FAM53B: variants seen among roughly 807,000 people sequenced by gnomAD.
The protein encoded by FAM53B is family with sequence similarity 53 member B.
Under a neutral mutation model 32.7 loss-of-function variants are expected in FAM53B, and 12 were observed. The ratio of observed to expected loss-of-function variants is 0.37; its 90% CI spans 0.24 to 0.59. The LOEUF (loss-of-function observed/expected upper bound fraction) is 0.59, where lower values mean the gene tolerates loss of function less well. FAM53B is among the 20% of genes least tolerant of loss of function. The pLI is 0.72. For synonymous variants in FAM53B, 234 were observed against 228.7 expected (o/e 1.02, Z -0.21); for missense variants, 477 against 577.7 (o/e 0.83, Z 1.79).
At chr10:124,662,299 A>C (rs1949636610) in intron 4 of FAM53B, among the ~76,000 whole-genome samples, 1 of 152,262 alleles carries the variant, frequency 6.6e-6, no homozygotes, top group Admixed American at 6.5e-5. Context: ...AGTGCCTGCC[A>C]CACTGTCCCC....
intron 2 of FAM53B, among the ~76,000 whole-genome samples, chr10:124,702,357 C>T (rs774947906): frequency 9.9e-5 from 15 of 152,246 alleles, no homozygotes; most frequent in Non-Finnish European, 1.8e-4. Flanking sequence ...AGCAAAACCC[C>T]GTCAACTTCC....
At chr10:124,665,560 T>C (rs184517494) in intron 4 of FAM53B, among the ~76,000 whole-genome samples, 218 of 152,364 alleles carry the variant, frequency 1.4e-3, no homozygotes, top group Non-Finnish European at 2.7e-3. Flanking sequence ...CAATCCCATA[T>C]GCATACATGG....
intron 4 of FAM53B, among the ~76,000 whole-genome samples, chr10:124,672,260 T>A (rs528663601): frequency 1.4e-3 from 217 of 152,352 alleles, no homozygotes; most frequent in African/African-American, 4.6e-3. Flanking sequence ...CCCACACCCA[T>A]CTCCGTGATG....
intron 4 of FAM53B, among the ~76,000 whole-genome samples, chr10:124,649,238 G>A (rs1949539986): frequency 6.6e-6 from 1 of 152,208 alleles, no homozygotes; most frequent in African/African-American, 2.4e-5. Flanking sequence ...AAGGAAACCA[G>A]CCTGGATTAT....
intron 1 of FAM53B, among the ~76,000 whole-genome samples, chr10:124,738,429 T>C (rs910813343): frequency 6.6e-6 from 1 of 151,654 alleles, no homozygotes; most frequent in Non-Finnish European, 1.5e-5. Flanking sequence ...ATTACTTTAC[T>C]CTAGCTTCTA....
chr10:124,736,523 C>G (rs1440844395), intron 1 of FAM53B, among the ~76,000 whole-genome samples: 1 of 152,274 alleles, frequency 6.6e-6, no homozygotes, highest in Non-Finnish European at 1.5e-5. Context: ...AGAAGCTGCT[C>G]CCAGCCAGCG....
At chr10:124,712,306 A>C (rs1046677345) in intron 1 of FAM53B, among the ~76,000 whole-genome samples, 4 of 152,066 alleles carry the variant, frequency 2.6e-5, no homozygotes, top group Non-Finnish European at 5.9e-5. Context: ...CAGTGAGCCG[A>C]GATTACACCA....
chr10:124,624,718 G>A (rs967824781), intron 4 of FAM53B, among the ~76,000 whole-genome samples: 1 of 150,700 alleles, frequency 6.6e-6, no homozygotes, highest in Admixed American at 6.6e-5. Context: ...AGCTGCCAGC[G>A]ATGGGGGTAG....
chr10:124,634,285 G>C (rs549846122), intron 4 of FAM53B, among the ~76,000 whole-genome samples: 1 of 152,216 alleles, frequency 6.6e-6, no homozygotes, highest in Non-Finnish European at 1.5e-5. Context: ...ATGACGCTAA[G>C]TGAAGGAAGC....
At chr10:124,639,130 C>T (rs866148938) in intron 4 of FAM53B, among the ~76,000 whole-genome samples, 5 of 152,190 alleles carry the variant, frequency 3.3e-5, no homozygotes, top group African/African-American at 1.2e-4. Flanking sequence ...CTCTCTAACC[C>T]AATGTGACAC....
intron 4 of FAM53B, among the ~76,000 whole-genome samples, chr10:124,660,326 G>A (rs1244960550): frequency 6.6e-6 from 1 of 152,180 alleles, no homozygotes; most frequent in African/African-American, 2.4e-5. Context: ...AAGACAGCTT[G>A]GAAAAGACAT....
At chr10:124,701,578 G>T (rs752153929) in intron 2 of FAM53B, among the ~76,000 whole-genome samples, 8 of 152,236 alleles carry the variant, frequency 5.3e-5, no homozygotes, top group Admixed American at 6.5e-5. Context: ...GTGGGCGTGC[G>T]GGAAGGAGCT....
chr10:124,702,123 A>T (rs1285952084), intron 2 of FAM53B, among the ~76,000 whole-genome samples: 1 of 152,200 alleles, frequency 6.6e-6, no homozygotes, highest in Non-Finnish European at 1.5e-5. Flanking sequence ...CTGGGGACCC[A>T]GGGTGAGCTG....
At position 124,666,942 on chromosome 10, in the gene FAM53B, T is replaced by C. The variant is rs915792911; in HGVS notation, c.906+14665A>G. On this transcript the variant is annotated intron_variant, in intron 4 of 4. Coordinates refer to ENST00000337318, the MANE Select transcript of FAM53B (RefSeq NM_014661.4). ...ACCTAGCACCTCAGGCAGGGGCCTC[T>C]TGCCCAGCCCCTCCTTTACCAGCTG... Among the ~76,000 whole-genome samples the C allele has an allele frequency of 2.0e-5, 3 of 152,214 alleles. No individual in the cohort carries two copies. In the East Asian group the frequency reaches 5.8e-4, roughly 29 times the overall value.
rs892942270 is a variant in FAM53B, at chr10:124,733,497, C to G, written c.-175+10516G>C. Among the ~76,000 whole-genome samples the G allele has an allele frequency of 1.3e-5, 2 of 152,064 alleles. No homozygotes were observed. ...AGCTCCCTCTTCCATCGCACCAACA[C>G]GGTTAGGTGCCTGTTTTTCCCTTTA... On this transcript the variant is annotated intron_variant, in intron 1 of 4. Coordinates refer to ENST00000337318, the MANE Select transcript of FAM53B (RefSeq NM_014661.4). This position sits in a 1 kb window ranked among gnomAD's most constrained non-coding sequence, Gnocchi z 4.3.
intron 1 of FAM53B, among the ~76,000 whole-genome samples, chr10:124,716,463 A>G (rs2134093312): frequency 6.6e-6 from 1 of 152,358 alleles, no homozygotes; most frequent in Admixed American, 6.5e-5. Context: ...TTTAAAGCAA[A>G]TAACATTTCA....
At chr10:124,689,315 C>T (rs919248656) in intron 3 of FAM53B, among the ~76,000 whole-genome samples, 2 of 152,144 alleles carry the variant, frequency 1.3e-5, no homozygotes, top group Non-Finnish European at 2.9e-5. Context: ...CCCCCACAAT[C>T]GTCTCATCTG....
intron 4 of FAM53B, among the ~76,000 whole-genome samples, chr10:124,678,778 G>A (rs964726405): frequency 7.2e-5 from 11 of 152,106 alleles, no homozygotes; most frequent in African/African-American, 1.4e-4. Flanking sequence ...TTACTCTCTC[G>A]GGTTCTCTCC....
chr10:124,628,660 C>T (rs1949370841), intron 4 of FAM53B, among the ~76,000 whole-genome samples: 1 of 152,254 alleles, frequency 6.6e-6, no homozygotes, highest in South Asian at 2.1e-4. Context: ...CTCTCCACTG[C>T]TGTGAGTGTT....
Sources: allele counts gnomAD v4.1 joint callset (sites outside exome capture counted in the v4.1 genomes callset), GRCh38; gene constraint gnomAD v4.1.1; non-coding constraint Gnocchi (gnomAD v3.1); transcripts MANE v1.5; gene names NCBI Gene and HGNC (gene_info 2026-07-23, HGNC 2026-07-21).